Variants in ADAMTS3 observed in about 807,000 individuals in gnomAD.
ADAMTS3 encodes A disintegrin and metalloproteinase with thrombospondin motifs 3.
A neutral mutation model predicts 129.0 loss-of-function variants in ADAMTS3; 73 were observed. That is an observed-to-expected ratio of 0.57 (90% CI 0.47 to 0.69). The LOEUF (loss-of-function observed/expected upper bound fraction) is 0.69. ADAMTS3 is among the 30% of genes least tolerant of loss of function. ADAMTS3 has a pLI of 0.00. For synonymous variants in ADAMTS3, 477 were observed against 510.8 expected (o/e 0.93, Z 0.89); for missense variants, 1,457 against 1,514.5 (o/e 0.96, Z 0.63).
At chr4:72,501,944 G>T (rs184870011) in intron 3 of ADAMTS3, among the ~76,000 whole-genome samples, 1 of 55,632 alleles carries the variant, frequency 1.8e-5, no homozygotes, top group African/African-American at 4.0e-5. Context: ...AACAAACCTC[G>T]CATCCCAGCA....
chr4:72,281,981 T>C lies in ADAMTS3; in HGVS notation c.*1155A>G, dbSNP rs1718356647. 6.6e-6 allele frequency: 1 copy of C among 152,128 alleles called. No individual in the cohort carries two copies. The highest frequency in any genetic ancestry group is 1.5e-5 in the Non-Finnish European group (1 of 68,022). 9.4% of individuals were successfully genotyped at this position (152,128 alleles called of 1,614,324 possible). ...GTCAGATGCATTGTGGTTGTGAACA[T>C]TTGAACATGAACCATATGGAAAATA... On this transcript the variant is annotated 3_prime_UTR_variant, in exon 22 of 22. Coordinates refer to ENST00000286657, the MANE Select transcript of ADAMTS3 (RefSeq NM_014243.3).
chr4:72,303,876 A>G (rs749348623), intron 17 of ADAMTS3, 41 bp downstream of exon 17: 2 of 1,587,752 alleles, frequency 1.3e-6, no homozygotes, highest in African/African-American at 1.4e-5. Flanking sequence ...ATTATAAAGT[A>G]AGCTGAGCTA....
At chr4:72,320,207 C>T (rs1435866599) in intron 7 of ADAMTS3, among the ~76,000 whole-genome samples, 1 of 152,180 alleles carries the variant, frequency 6.6e-6, no homozygotes. Context: ...TTACCATTTT[C>T]TTCTGCCCAC....
intron 2 of ADAMTS3, among the ~76,000 whole-genome samples, chr4:72,550,332 C>T (rs1213707469): frequency 6.6e-6 from 1 of 151,866 alleles, no homozygotes; most frequent in Non-Finnish European, 1.5e-5. Flanking sequence ...ATAAAGTATC[C>T]TTGTAGAATC....
intron 3 of ADAMTS3, among the ~76,000 whole-genome samples, chr4:72,422,045 C>T (rs1439688979): frequency 6.6e-6 from 1 of 152,168 alleles, no homozygotes; most frequent in African/African-American, 2.4e-5. Flanking sequence ...TTCCTGCTCT[C>T]AGGTCTGCAA....
At position 72,288,808 on chromosome 4, in the gene ADAMTS3, G is replaced by C. The variant is rs1352019596; in HGVS notation, c.2992C>G (p.His998Asp). 2 of 1,613,868 alleles carry C rather than the reference G, an allele frequency of 1.2e-6. No homozygotes were observed. Among genetic ancestry groups the C allele is most frequent in the South Asian group, 1.1e-5 (1 of 91,064 alleles). Residue 998 changes from histidine to aspartate, a missense_variant, in exon 21 of 22, where the codon CAC becomes GAC. Physicochemically the swap from His to Asp is moderately conservative, Grantham distance 81. Coordinates refer to ENST00000286657, the MANE Select transcript of ADAMTS3 (RefSeq NM_014243.3). ...GACTCAGGCTTTTCACCATCACAGT[G>C]GTCCCCAGCCCTGCAGAGGACCTGC... is the stretch of plus-strand genomic sequence containing the variant. ...VRQVLCRAGD[H>D]CDGEKPESVR... is the part of the protein sequence containing the mutation.
chr4:72,370,777 G>A (rs1720985947), intron 4 of ADAMTS3, among the ~76,000 whole-genome samples: 1 of 151,974 alleles, frequency 6.6e-6, no homozygotes, highest in Non-Finnish European at 1.5e-5. Flanking sequence ...AAGACAATTA[G>A]GGAAAAAGTT....
chr4:72,403,717 A>G (rs538718567), intron 4 of ADAMTS3, among the ~76,000 whole-genome samples: 8 of 151,644 alleles, frequency 5.3e-5, no homozygotes, highest in Non-Finnish European at 1.0e-4. Flanking sequence ...ATCCCAACTT[A>G]GAGATAAAAA....
chr4:72,517,540 C>A (rs1362785007), intron 3 of ADAMTS3, among the ~76,000 whole-genome samples: 1 of 152,160 alleles, frequency 6.6e-6, no homozygotes, highest in Non-Finnish European at 1.5e-5. Flanking sequence ...TTCAGAGATT[C>A]AACTTCTTCC....
At chr4:72,313,207 T>C (rs910841278) in intron 12 of ADAMTS3, among the ~76,000 whole-genome samples, 2 of 152,160 alleles carry the variant, frequency 1.3e-5, no homozygotes, top group African/African-American at 4.8e-5. Flanking sequence ...GTAGTCTGAG[T>C]GAATGAATAG....
chr4:72,501,420 A>G (rs978455616), intron 3 of ADAMTS3, among the ~76,000 whole-genome samples: 6 of 152,086 alleles, frequency 3.9e-5, no homozygotes, highest in Non-Finnish European at 5.9e-5. Context: ...TCGCAGCTTA[A>G]ACATTATTGA....
intron 3 of ADAMTS3, among the ~76,000 whole-genome samples, chr4:72,465,080 A>ATT (rs1718883831): frequency 6.6e-6 from 1 of 151,992 alleles, no homozygotes; most frequent in Non-Finnish European, 1.5e-5. Context: ...ATAAGTAAAT[A>ATT]AATAAACACC....
At chr4:72,318,781 T>G (rs140759400) in intron 9 of ADAMTS3, 77 bp from the exon 10 acceptor site, 1 of 1,399,322 alleles carries the variant, frequency 7.1e-7, no homozygotes, top group African/African-American at 1.4e-5. Context: ...AAAAGTAGTC[T>G]TAGCTTATAT....
At chr4:72,311,587 A>G (rs1719237093) in intron 13 of ADAMTS3, among the ~76,000 whole-genome samples, 1 of 152,184 alleles carries the variant, frequency 6.6e-6, no homozygotes. Flanking sequence ...TGCCTCTTAC[A>G]GGATGCAACT....
In ADAMTS3 at chr4:72,318,662, C is replaced by T; in HGVS notation, c.1395G>A (p.Trp465Ter). The T allele has an allele frequency of 6.2e-7, 1 of 1,613,562 alleles. No homozygotes were observed. The highest frequency in any genetic ancestry group is 8.5e-7 in the Non-Finnish European group (1 of 1,179,738). Residue 465 changes from tryptophan (W) to a stop codon, truncating the protein, a stop_gained, in exon 10 of 22, where the codon TGG (tryptophan) becomes TGA (stop). Transcript: ENST00000286657. LOFTEE classifies it high-confidence loss of function. ...CLLDDPFDHD[W>*]PKLPELPGIN... Reference sequence around the variant, plus strand: ...TTCCAGGAAGTTCTGGGAGTTTAGGCCAATCATGATCAAAAGGGTCATCAA... The same window carrying T: ...TTCCAGGAAGTTCTGGGAGTTTAGGTCAATCATGATCAAAAGGGTCATCAA...
At chr4:72,349,390 GA>G (rs1720368918) in intron 4 of ADAMTS3, among the ~76,000 whole-genome samples, 1 of 151,720 alleles carries the variant, frequency 6.6e-6, no homozygotes, top group African/African-American at 2.4e-5. Flanking sequence ...ATTTTTACAT[GA>G]AAAAAATGTG....
intron 3 of ADAMTS3, among the ~76,000 whole-genome samples, chr4:72,461,335 G>A (rs1718765126): frequency 6.6e-6 from 1 of 151,666 alleles, no homozygotes; most frequent in Non-Finnish European, 1.5e-5. Context: ...TAATTACAGG[G>A]TGTTCACTAA....
rs1221747082 is a variant in ADAMTS3 at position 72,470,273 on chromosome 4, T to C, written c.505-55302A>G. ...CATAGCTACACTGACATGATTCCTC[T>C]ATATCTCAGGCAGATATTCTAATCA... is the stretch of plus-strand genomic sequence containing the variant. On this transcript the variant is annotated intron_variant, in intron 3 of 21. Transcript: ENST00000286657. 2.0e-5 allele frequency among the ~76,000 whole-genome samples: 3 copies of C among 151,578 alleles called. No individual in the cohort carries two copies. The East Asian group carries it at 5.8e-4, about 29-fold the overall frequency.
In ADAMTS3 at chr4:72,558,483, T is replaced by C. The variant is rs557977467; in HGVS notation, c.97+8891A>G. Among the ~76,000 whole-genome samples the C allele has an allele frequency of 2.6e-5, 4 of 151,842 alleles. No homozygotes were observed. The East Asian group carries it at 7.8e-4, about 29-fold the overall frequency. On this transcript the variant is annotated intron_variant, in intron 2 of 21. Coordinates refer to ENST00000286657, the MANE Select transcript of ADAMTS3 (RefSeq NM_014243.3). Reference sequence around the variant, plus strand: ...CCATTTATAAAGACTCCTACCCTGATAATCCAGGATAATCTCGCTATTTTA... The same window carrying C: ...CCATTTATAAAGACTCCTACCCTGACAATCCAGGATAATCTCGCTATTTTA...
Sources: gnomAD v4.1 joint callset for allele counts (sites outside exome capture counted in the v4.1 genomes callset) on GRCh38, gnomAD v4.1.1 for gene constraint, MANE v1.5 for transcripts, NCBI Gene and HGNC (gene_info 2026-07-23, HGNC 2026-07-21) for gene names.